FNDC3A: variants seen among roughly 807,000 people sequenced by gnomAD.
The protein encoded by FNDC3A is fibronectin type III domain containing 3A.
FNDC3A carries 32 observed loss-of-function variants against 148.9 expected under a neutral mutation model. The observed-to-expected ratio is 0.21, with a 90% CI of 0.16 to 0.29. FNDC3A has a LOEUF of 0.29. Ranked by LOEUF, FNDC3A falls within the 10% of genes least tolerant of loss-of-function variation. The pLI is 1.00. For missense variants in FNDC3A, 1,191 were observed against 1,452.8 expected, an observed-to-expected ratio of 0.82 and a Z score of 2.93; for synonymous variants, 472 against 473.6, an observed-to-expected ratio of 1.00 and a Z score of 0.04.
At chr13:49,152,396 T>A (rs1438656228) in intron 8 of FNDC3A, among the ~76,000 whole-genome samples, 1 of 152,260 alleles carries the variant, frequency 6.6e-6, no homozygotes, top group Non-Finnish European at 1.5e-5. Flanking sequence ...TGTCTTCATA[T>A]CCTTCGCCCA....
chr13:48,980,678 C>G (rs1156765182), intron 1 of FNDC3A, among the ~76,000 whole-genome samples: 1 of 152,116 alleles, frequency 6.6e-6, no homozygotes, highest in African/African-American at 2.4e-5. Context: ...ATATCTATTT[C>G]TAAGGCAGTT....
chr13:49,009,959 T>C (rs1253496071), intron 2 of FNDC3A, among the ~76,000 whole-genome samples: 2 of 152,196 alleles, frequency 1.3e-5, no homozygotes, highest in African/African-American at 4.8e-5. Flanking sequence ...TTTGTACCCA[T>C]GGGATTTTAA....
chr13:49,181,452 G>C (rs537802018), intron 14 of FNDC3A, among the ~76,000 whole-genome samples: 3 of 152,230 alleles, frequency 2.0e-5, no homozygotes, highest in African/African-American at 7.2e-5. Flanking sequence ...CTAGCAGTCT[G>C]TTGTGGTATA....
intron 4 of FNDC3A, among the ~76,000 whole-genome samples, chr13:49,123,128 A>T (rs527571627): frequency 3.3e-5 from 5 of 152,102 alleles, no homozygotes; most frequent in Non-Finnish European, 7.4e-5. Flanking sequence ...CAAAACAGCA[A>T]GGTACTGGTA....
chr13:49,096,607 G>T (rs752870556), intron 3 of FNDC3A, among the ~76,000 whole-genome samples: 29 of 152,086 alleles, frequency 1.9e-4, no homozygotes, highest in Non-Finnish European at 2.9e-4. Flanking sequence ...CTAGAACACA[G>T]AAAACACAGT....
At chr13:49,076,948 A>G (rs1231275657) in intron 3 of FNDC3A, among the ~76,000 whole-genome samples, 1 of 152,106 alleles carries the variant, frequency 6.6e-6, no homozygotes, top group East Asian at 1.9e-4. Flanking sequence ...TTGGCCTTCC[A>G]TATGTTGGGT....
intron 2 of FNDC3A, among the ~76,000 whole-genome samples, chr13:49,027,151 C>T (rs1873773870): frequency 6.6e-6 from 1 of 152,174 alleles, no homozygotes; most frequent in African/African-American, 2.4e-5. Flanking sequence ...CCAGTTGACA[C>T]ACTGAGTGGC....
intron 10 of FNDC3A, among the ~76,000 whole-genome samples, chr13:49,171,642 T>G (rs568384581): frequency 1.3e-5 from 2 of 152,312 alleles, no homozygotes; most frequent in South Asian, 4.1e-4. Flanking sequence ...AGCACCCTGG[T>G]TCTTCACTCT....
intron 3 of FNDC3A, among the ~76,000 whole-genome samples, chr13:49,114,248 A>G (rs947036611): frequency 1.3e-5 from 2 of 152,092 alleles, no homozygotes; most frequent in African/African-American, 2.4e-5. Flanking sequence ...TTGATTTTAT[A>G]TGCAGAGTTT....
At chr13:49,195,250 C>A (rs1016131287) in intron 19 of FNDC3A, among the ~76,000 whole-genome samples, 1 of 152,108 alleles carries the variant, frequency 6.6e-6, no homozygotes, top group Non-Finnish European at 1.5e-5. Flanking sequence ...GAAACATTTA[C>A]GTTTGTTTCT....
chr13:49,030,073 CAG>C (rs1413498119), intron 2 of FNDC3A, among the ~76,000 whole-genome samples: 3 of 152,098 alleles, frequency 2.0e-5, no homozygotes, highest in Non-Finnish European at 4.4e-5. Context: ...CTAAACCAGA[CAG>C]AGACATTGCA....
intron 2 of FNDC3A, among the ~76,000 whole-genome samples, chr13:49,066,640 A>T (rs1475897716): frequency 6.6e-6 from 1 of 152,210 alleles, no homozygotes; most frequent in Non-Finnish European, 1.5e-5. Context: ...AGCATATTGA[A>T]AGTCAAGATC....
intron 3 of FNDC3A, among the ~76,000 whole-genome samples, chr13:49,108,655 T>C (rs960351599): frequency 3.4e-4 from 51 of 152,150 alleles, no homozygotes; most frequent in Admixed American, 6.5e-5. Context: ...ATACAGGCTG[T>C]GTGCAAATGT....
At chr13:49,066,695 C>CT (rs1025550865) in intron 2 of FNDC3A, among the ~76,000 whole-genome samples, 48 of 147,182 alleles carry the variant, frequency 3.3e-4, no homozygotes, top group Admixed American at 6.8e-4. Flanking sequence ...TAACAACATT[C>CT]TTTTTTTTTT....
At chr13:49,024,957 A>C (rs1873591162) in intron 2 of FNDC3A, among the ~76,000 whole-genome samples, 1 of 152,026 alleles carries the variant, frequency 6.6e-6, no homozygotes, top group Non-Finnish European at 1.5e-5. Context: ...TGATTAGAAA[A>C]AAATATTTTG....
intron 25 of FNDC3A, among the ~76,000 whole-genome samples, chr13:49,205,700 C>G (rs566820766): frequency 2.6e-5 from 4 of 152,300 alleles, no homozygotes; most frequent in South Asian, 2.1e-4. Flanking sequence ...ATTCTATTCC[C>G]TGAAACATTA....
chr13:49,199,154 G>T (rs1388117731), intron 23 of FNDC3A, among the ~76,000 whole-genome samples: 1 of 151,892 alleles, frequency 6.6e-6, no homozygotes, highest in African/African-American at 2.4e-5. Flanking sequence ...CCAAGTATCT[G>T]TGACCACAGG....
chr13:49,108,236 T>A (rs912509141), intron 3 of FNDC3A, among the ~76,000 whole-genome samples: 1 of 152,114 alleles, frequency 6.6e-6, no homozygotes, highest in Non-Finnish European at 1.5e-5. Context: ...AGACAAGAGT[T>A]GGGATAGAGA....
intron 1 of FNDC3A, among the ~76,000 whole-genome samples, chr13:48,979,077 T>C (rs531177861): frequency 5.0e-4 from 76 of 152,288 alleles, no homozygotes; most frequent in African/African-American, 1.6e-3. Context: ...ATCAAGTTCC[T>C]TTGTGGGTGT....
Sources: gnomAD v4.1 joint callset for allele counts (sites outside exome capture counted in the v4.1 genomes callset) on GRCh38, gnomAD v4.1.1 for gene constraint, MANE v1.5 for transcripts, NCBI Gene and HGNC (gene_info 2026-07-23, HGNC 2026-07-21) for gene names.